Variants in NEDD9 observed in about 807,000 individuals in gnomAD.
NEDD9 encodes neural precursor cell expressed, developmentally down-regulated 9.
In NEDD9, 26 loss-of-function variants were observed where a neutral mutation model predicts 76.6. That is an observed-to-expected ratio of 0.34 (90% CI 0.25 to 0.47). The LOEUF (loss-of-function observed/expected upper bound fraction) is 0.47, where lower values mean the gene tolerates loss of function less well. NEDD9 is among the 20% of genes least tolerant of loss of function. The pLI is 1.00. For synonymous variants in NEDD9, 392 were observed against 414.2 expected (o/e 0.95, Z 0.65); for missense variants, 937 against 1,058.5 (o/e 0.89, Z 1.59).
intron 1 of NEDD9, among the ~76,000 whole-genome samples, chr6:11,362,138 T>G (rs1762690411): frequency 6.6e-6 from 1 of 152,132 alleles, no homozygotes; most frequent in African/African-American, 2.4e-5. Context: ...TCCTCCTGAA[T>G]GGATGTAGTG....
intron 1 of NEDD9, among the ~76,000 whole-genome samples, chr6:11,348,974 A>G (rs1167831945): frequency 6.6e-6 from 1 of 152,228 alleles, no homozygotes; most frequent in Non-Finnish European, 1.5e-5. Flanking sequence ...AACTATCACC[A>G]TAGGGAACAG....
chr6:11,222,725 G>A (rs1343807746), intron 1 of NEDD9, among the ~76,000 whole-genome samples: 1 of 152,226 alleles, frequency 6.6e-6, no homozygotes, highest in Admixed American at 6.5e-5. Flanking sequence ...TTTTACATTT[G>A]ACTTGAATGA....
intron 2 of NEDD9, among the ~76,000 whole-genome samples, chr6:11,331,267 G>A (rs890334506): frequency 1.3e-5 from 2 of 150,686 alleles, no homozygotes; most frequent in African/African-American, 4.9e-5. Context: ...GATAAAAATT[G>A]TTCTGTCCAG....
chr6:11,238,825 G>A (rs763408228), intron 3 of NEDD9, among the ~76,000 whole-genome samples: 2 of 152,106 alleles, frequency 1.3e-5, no homozygotes, highest in African/African-American at 2.4e-5. Context: ...AGTATGAGCC[G>A]CAGTAGGCTT....
At chr6:11,267,564 A>G in intron 3 of NEDD9, among the ~76,000 whole-genome samples, 1 of 152,344 alleles carries the variant, frequency 6.6e-6, no homozygotes, top group South Asian at 2.1e-4. Flanking sequence ...TGTTGGAGAC[A>G]TTGGTTTTCA....
intron 2 of NEDD9, among the ~76,000 whole-genome samples, chr6:11,319,533 A>C (rs375487453): frequency 8.5e-5 from 5 of 58,864 alleles, no homozygotes; most frequent in Non-Finnish European, 1.3e-4. Flanking sequence ...CACTCACACT[A>C]ACATGCGGAC....
intron 3 of NEDD9, among the ~76,000 whole-genome samples, chr6:11,301,296 C>A (rs1179150104): frequency 6.6e-6 from 1 of 152,154 alleles, no homozygotes; most frequent in African/African-American, 2.4e-5. Flanking sequence ...GTAAGGGGAT[C>A]AATTCACCAA....
At chr6:11,254,965 A>T (rs974436358) in intron 3 of NEDD9, among the ~76,000 whole-genome samples, 3 of 152,214 alleles carry the variant, frequency 2.0e-5, no homozygotes, top group Non-Finnish European at 2.9e-5. Flanking sequence ...GCAGAACAAT[A>T]TGTTGGGTTG....
intron 3 of NEDD9, chr6:11,305,081 C>T (rs1234719182): frequency 7.8e-7 from 1 of 1,287,224 alleles, no homozygotes; most frequent in East Asian, 5.6e-5. Flanking sequence ...AACGTTTGCC[C>T]AGAAAGGAGA....
intron 3 of NEDD9, chr6:11,305,228 G>A: frequency 1.1e-6 from 1 of 939,294 alleles, no homozygotes; most frequent in Non-Finnish European, 1.5e-6. Flanking sequence ...TTTTGAGCAT[G>A]AGTTACTCTA....
At chr6:11,282,727 T>A (rs541256755) in intron 3 of NEDD9, among the ~76,000 whole-genome samples, 17 of 152,322 alleles carry the variant, frequency 1.1e-4, no homozygotes, top group African/African-American at 4.1e-4. Flanking sequence ...GACTACTACC[T>A]TCCTTGTTCA....
Position 11,299,452 on chromosome 6 carries a change from A to T in NEDD9, c.12+6540T>A, listed in dbSNP as rs930942566. Among the ~76,000 whole-genome samples the T allele has an allele frequency of 1.4e-3, 212 of 152,232 alleles. 1 individual carries two copies. Among genetic ancestry groups the T allele is most frequent in the Non-Finnish European group, 2.2e-4 (15 of 68,048 alleles). ...CATAGGAGAACAAAAGGCAGCAGACAGCTTCTGCAGACTTAAACGTCCCTG... is the reference window on the plus strand; with the variant it reads ...CATAGGAGAACAAAAGGCAGCAGACTGCTTCTGCAGACTTAAACGTCCCTG... On this transcript the variant is annotated intron_variant, in intron 3 of 3. Coordinates refer to the NEDD9 transcript ENST00000397378.
rs192990469 is a variant in NEDD9 at position 11,333,796 on chromosome 6, T to C, written c.-153+705A>G. On this transcript the variant is annotated intron_variant, in intron 2 of 3. Coordinates refer to the NEDD9 transcript ENST00000397378. ...ATTTTATCCACTTTAATGAATGTTC[T>C]GGCAGCTTGTGAACCTGGGGCTGTG... Among the ~76,000 whole-genome samples the C allele has an allele frequency of 3.9e-3, 592 of 152,368 alleles. 2 individuals are homozygous for C. Among genetic ancestry groups the C allele is most frequent in the African/African-American group, 0.014 (562 of 41,592 alleles).
upstream of NEDD9, among the ~76,000 whole-genome samples, chr6:11,237,251 T>C (rs1759622858): frequency 6.6e-6 from 1 of 152,230 alleles, no homozygotes; most frequent in East Asian, 1.9e-4. The surrounding 1 kb of genome is among the most constrained non-coding windows in gnomAD (Gnocchi z 4.9). Context: ...CCGATGTGTG[T>C]TCTTGGGGAA....
intron 1 of NEDD9, among the ~76,000 whole-genome samples, chr6:11,229,530 G>A (rs1299564764): frequency 1.3e-5 from 2 of 152,052 alleles, no homozygotes; most frequent in Admixed American, 1.3e-4. Flanking sequence ...TCAGGAGGGA[G>A]CCTTCACTGG....
intron 3 of NEDD9, among the ~76,000 whole-genome samples, chr6:11,265,877 T>C (rs2113332805): frequency 6.6e-6 from 1 of 152,258 alleles, no homozygotes; most frequent in Middle Eastern, 3.4e-3. Flanking sequence ...ATCATGTCTT[T>C]TGCAGCAAAA....
At chr6:11,240,665 T>C (rs540549198) in intron 3 of NEDD9, among the ~76,000 whole-genome samples, 7 of 152,210 alleles carry the variant, frequency 4.6e-5, no homozygotes, top group Non-Finnish European at 7.3e-5. Flanking sequence ...CTTCAAAGAA[T>C]TGAAAAACGT....
At position 11,185,427 on chromosome 6, in the gene NEDD9, T is replaced by G. The variant is rs1757951230; in HGVS notation, c.2240A>C (p.Lys747Thr). 6.2e-7 allele frequency: 1 copy of G among 1,614,122 alleles called. No individual in the cohort carries two copies. The highest frequency in any genetic ancestry group is 8.5e-7 in the Non-Finnish European group (1 of 1,180,052). ...QPPRIFVAHS[K>T]FVILSAHKLV... The stretch of plus-strand genomic sequence containing the variant: ...TTTGTGTGCACTGAGGATGACAAAC[T>G]TGCTGTGTGCCACGAAGATTCGCGG... Residue 747 changes from lysine to threonine, a missense_variant, in exon 7 of 7, where the codon AAG becomes ACG. By Grantham distance (78) the Lys-to-Thr change is moderately conservative. Coordinates refer to ENST00000379446, the MANE Select transcript of NEDD9 (RefSeq NM_006403.4).
chr6:11,219,646 G>A (rs1759081434), intron 1 of NEDD9, among the ~76,000 whole-genome samples: 1 of 152,244 alleles, frequency 6.6e-6, no homozygotes, highest in African/African-American at 2.4e-5. Context: ...AGGCAGCTGA[G>A]GGATGAACAT....
Sources: allele counts gnomAD v4.1 joint callset (sites outside exome capture counted in the v4.1 genomes callset), GRCh38; gene constraint gnomAD v4.1.1; non-coding constraint Gnocchi (gnomAD v3.1); transcripts MANE v1.5; gene names NCBI Gene and HGNC (gene_info 2026-07-23, HGNC 2026-07-21).